The following P2RX7 variants were observed in gnomAD, a reference collection of about 807,000 sequenced individuals.
The protein encoded by P2RX7 is P2X purinoceptor 7.
P2RX7 carries 62 observed loss-of-function variants against 71.6 expected under a neutral mutation model. The observed-to-expected ratio is 0.87, with a 90% CI of 0.71 to 1.07. The LOEUF (loss-of-function observed/expected upper bound fraction) is 1.07. Among genes scored for constraint, P2RX7 ranks in the 50% least tolerant of loss-of-function variants. The pLI is 0.00. For missense variants in P2RX7, 686 were observed against 748.5 expected, an observed-to-expected ratio of 0.92 and a Z score of 0.97; for synonymous variants, 299 against 283.3, an observed-to-expected ratio of 1.06 and a Z score of -0.56.
intron 1 of P2RX7, among the ~76,000 whole-genome samples, chr12:121,138,966 G>T (rs939116745): frequency 6.6e-6 from 1 of 152,108 alleles, no homozygotes; most frequent in African/African-American, 2.4e-5. Context: ...TTTGAGACAG[G>T]TTCTCACTCT....
chr12:121,162,590 T>C, intron 5 of P2RX7, 70 bp downstream of exon 5: 2 of 1,566,922 alleles, frequency 1.3e-6, no homozygotes, highest in Middle Eastern at 2.1e-4. Flanking sequence ...CGAGGCTGCT[T>C]GGGCCTTCCC....
chr12:121,162,624 C>T (rs1593078701), intron 5 of P2RX7, 104 bp downstream of exon 5: 2 of 1,401,224 alleles, frequency 1.4e-6, no homozygotes, highest in East Asian at 2.4e-5. Flanking sequence ...CCTGCAAAGT[C>T]CTGGGTCCTA....
chr12:121,143,444 C>T (rs1875445644), intron 1 of P2RX7, among the ~76,000 whole-genome samples: 1 of 151,808 alleles, frequency 6.6e-6, no homozygotes, highest in South Asian at 2.1e-4. Flanking sequence ...GTCCCAGCTA[C>T]TGGGAAGGCT....
At chr12:121,176,503 A>C (rs1883156488) in intron 9 of P2RX7, among the ~76,000 whole-genome samples, 1 of 152,164 alleles carries the variant, frequency 6.6e-6, no homozygotes, top group South Asian at 2.1e-4. Flanking sequence ...CTGTAATCCC[A>C]GCTCTTTGGG....
intron 4 of P2RX7, among the ~76,000 whole-genome samples, chr12:121,161,617 C>A (rs1226631716): frequency 6.6e-6 from 1 of 151,592 alleles, no homozygotes; most frequent in Non-Finnish European, 1.5e-5. Flanking sequence ...CATGGTGAAA[C>A]CCCGTCTCTA....
In P2RX7 at chr12:121,184,506, T is replaced by C; in HGVS notation, c.1492T>C (p.Cys498Arg). The C allele has an allele frequency of 6.2e-7, 1 of 1,614,184 alleles. No homozygotes were observed. The highest frequency in any genetic ancestry group is 8.5e-7 in the Non-Finnish European group (1 of 1,180,028). ...PESHRCLEEL[C>R]CRKKPGACIT... is the part of the protein sequence containing the mutation. Reference sequence around the variant, plus strand: ...GAGCCACAGGTGCCTGGAGGAGCTGTGCTGCCGGAAAAAGCCGGGGGCCTG... The same window carrying C: ...GAGCCACAGGTGCCTGGAGGAGCTGCGCTGCCGGAAAAAGCCGGGGGCCTG... The change falls in exon 13 of 13, where the codon TGC (cysteine) becomes CGC (arginine). Residue 498 changes from cysteine (C) to arginine (R), a missense_variant. Transcript: ENST00000328963.
chr12:121,154,678 C>A lies in P2RX7; in HGVS notation c.126-107C>A. 1.3e-6 allele frequency: 1 copy of A among 776,200 alleles called. No homozygotes were observed. The highest frequency in any genetic ancestry group is 2.3e-4 in the Middle Eastern group (1 of 4,360). 48.1% of individuals were successfully genotyped at this position (776,200 alleles called of 1,614,324 possible). ...AAACAAGTCACACGGAAGCAAGTCA[C>A]GCAGCAGAGCTAGGATTGGAACAGA... is the stretch of plus-strand genomic sequence containing the variant. On this transcript the variant is annotated intron_variant, in intron 1 of 12. Transcript: ENST00000328963. The surrounding 1 kb of genome is among the most constrained non-coding windows in gnomAD (Gnocchi z 4.2).
intron 1 of P2RX7, among the ~76,000 whole-genome samples, chr12:121,148,312 T>C (rs1876676364): frequency 6.6e-6 from 1 of 151,842 alleles, no homozygotes; most frequent in Non-Finnish European, 1.5e-5. Flanking sequence ...CCTCCCAGGT[T>C]CAAACGATTC....
chr12:121,176,489 A>G (rs925730203), intron 9 of P2RX7, among the ~76,000 whole-genome samples: 5 of 152,228 alleles, frequency 3.3e-5, no homozygotes, highest in African/African-American at 1.2e-4. Flanking sequence ...ACGGTGGCTC[A>G]TGCCTGTAAT....
At chr12:121,153,459 C>A (rs1382627311) in intron 1 of P2RX7, among the ~76,000 whole-genome samples, 2 of 151,806 alleles carry the variant, frequency 1.3e-5, no homozygotes, top group Non-Finnish European at 2.9e-5. Context: ...GGGTGGATCC[C>A]TTGAGGTTGG....
chr12:121,165,313 G>C, intron 5 of P2RX7, 44 bp from the exon 6 acceptor site: 1 of 1,521,994 alleles, frequency 6.6e-7, no homozygotes, highest in Non-Finnish European at 9.1e-7. Flanking sequence ...GGCTCCCTCG[G>C]TTCCCCCCGT....
chr12:121,184,974 A>G lies in P2RX7; in HGVS notation c.*172A>G, dbSNP rs760748994. 5 of 576,996 alleles carry G rather than the reference A, an allele frequency of 8.7e-6. No homozygotes were observed. The highest frequency in any genetic ancestry group is 1.5e-5 in the Non-Finnish European group (5 of 328,278). 35.7% of individuals were successfully genotyped at this position (576,996 alleles called of 1,614,324 possible). On this transcript the variant is annotated 3_prime_UTR_variant, in exon 13 of 13. Transcript: ENST00000328963. ...GTGGCATGCACCTGCAATCCCAGCT[A>G]CTCGGGAGGCTGAGGCACAAGAATC...
chr12:121,169,367 G>A lies in P2RX7; in HGVS notation c.881+1743G>A, dbSNP rs143463631. Among the ~76,000 whole-genome samples the A allele has an allele frequency of 1.5e-3, 232 of 152,220 alleles. 1 individual carries two copies. The Middle Eastern group carries it at 0.02, about 13-fold the overall frequency. ...TTACCTTAAGGATCCTACTCCTTCT[G>A]TCCATTCTACTGTATCATTCCTTTC... On this transcript the variant is annotated intron_variant, in intron 8 of 12. Transcript: ENST00000328963.
chr12:121,155,913 C>T (rs768080706), intron 2 of P2RX7, among the ~76,000 whole-genome samples, 166 bp from the exon 3 acceptor site: 1 of 152,212 alleles, frequency 6.6e-6, no homozygotes, highest in Non-Finnish European at 1.5e-5. Context: ...CAGGGCTGCT[C>T]GTCCAGCTTT....
intron 1 of P2RX7, among the ~76,000 whole-genome samples, chr12:121,142,463 CAGA>C (rs956734737): frequency 1.3e-5 from 2 of 152,126 alleles, no homozygotes; most frequent in African/African-American, 4.8e-5. Context: ...CTCCCGGGAC[CAGA>C]AGAAGAATAC....
chr12:121,163,499 G>A (rs1306397474), intron 5 of P2RX7, among the ~76,000 whole-genome samples: 1 of 151,988 alleles, frequency 6.6e-6, no homozygotes, highest in African/African-American at 2.4e-5. Flanking sequence ...TGTGGCTATT[G>A]AGTACATGAA....
At chr12:121,147,587 T>C (rs1876465018) in intron 1 of P2RX7, among the ~76,000 whole-genome samples, 1 of 133,298 alleles carries the variant, frequency 7.5e-6, no homozygotes, top group Non-Finnish European at 1.5e-5. Context: ...AAATGCAAAA[T>C]GGGCAGTTTT....
rs774175036 is a variant in P2RX7, at chr12:121,167,454, C to T, written c.745-34C>T. 11 of 1,608,612 alleles carry T rather than the reference C, an allele frequency of 6.8e-6. No homozygotes were observed. The Admixed American group carries it at 1.5e-4, about 22-fold the overall frequency. ...TGGCGGTTGCGTAACTCACACCCAGCAGCCATAGAGACTGTCCCTTGTTGA... is the reference window on the plus strand; with the variant it reads ...TGGCGGTTGCGTAACTCACACCCAGTAGCCATAGAGACTGTCCCTTGTTGA... On this transcript the variant is annotated intron_variant, in intron 7 of 12. Transcript: ENST00000328963.
chr12:121,136,647 C>CTTTTTTTTTTTTTTTTT (rs66894143), intron 1 of P2RX7, among the ~76,000 whole-genome samples: 1 of 119,250 alleles, frequency 8.4e-6, no homozygotes, highest in Non-Finnish European at 1.7e-5. Context: ...TTCTTTCTTT[C>CTTTTTTTTTTTTTTTTT]TTTTTTTTTT....
Sources: gnomAD v4.1 joint callset for allele counts (sites outside exome capture counted in the v4.1 genomes callset) on GRCh38, gnomAD v4.1.1 for gene constraint, Gnocchi (gnomAD v3.1) non-coding constraint, MANE v1.5 for transcripts, NCBI Gene and HGNC (gene_info 2026-07-23, HGNC 2026-07-21) for gene names.